NUP153: variants seen among roughly 807,000 people sequenced by gnomAD.
The protein encoded by NUP153 is nuclear pore complex protein Nup153.
NUP153 carries 27 observed loss-of-function variants against 134.6 expected under a neutral mutation model. The ratio of observed to expected loss-of-function variants is 0.20; its 90% CI spans 0.15 to 0.28. The LOEUF is 0.28. Ranked by LOEUF, NUP153 falls within the 10% of genes least tolerant of loss-of-function variation. The pLI, the probability that NUP153 is intolerant of heterozygous loss-of-function variation, is 1.00. For missense variants in NUP153, 1,821 were observed against 1,731.3 expected, an observed-to-expected ratio of 1.05 and a Z score of -0.92; for synonymous variants, 640 against 623.5, an observed-to-expected ratio of 1.03 and a Z score of -0.40.
chr6:17,637,390 C>T lies in NUP153; in HGVS notation c.2227G>A (p.Val743Ile), dbSNP rs1765603879. The change falls in exon 16 of 22, where the codon GTA (valine) becomes ATA (isoleucine). Residue 743 changes from valine to isoleucine, a missense_variant. Physicochemically the swap from Val to Ile is conservative, Grantham distance 29. Coordinates refer to ENST00000262077, the MANE Select transcript of NUP153 (RefSeq NM_005124.4). Reference protein sequence around the residue: ...VQNKPEAIKCVACETPKPGTC... With the variant: ...VQNKPEAIKCIACETPKPGTC... ...CCAGGTTTCGGTGTTTCACAGGCTA[C>T]ACATTTTATTGCTTCAGGTTTATTT... The T allele has an allele frequency of 2.5e-6, 4 of 1,614,110 alleles. No individual in the cohort carries two copies. In the South Asian group the frequency reaches 3.3e-5, roughly 13 times the overall value.
At chr6:17,701,964 C>T (rs1770137761) in intron 1 of NUP153, among the ~76,000 whole-genome samples, 1 of 152,012 alleles carries the variant, frequency 6.6e-6, no homozygotes, top group South Asian at 2.1e-4. Flanking sequence ...CACACCACCC[C>T]ACCCCACCCC....
At chr6:17,677,835 T>A (rs1768317787) in intron 2 of NUP153, among the ~76,000 whole-genome samples, 2 of 151,888 alleles carry the variant, frequency 1.3e-5, no homozygotes, top group African/African-American at 4.8e-5. Context: ...TTGTTTGATA[T>A]TACAAATGGG....
chr6:17,658,214 T>C (rs1192827101), intron 11 of NUP153, among the ~76,000 whole-genome samples: 2 of 152,184 alleles, frequency 1.3e-5, no homozygotes, highest in Non-Finnish European at 2.9e-5. Flanking sequence ...CTGGTCAAGA[T>C]GGTGAAACCC....
intron 1 of NUP153, among the ~76,000 whole-genome samples, chr6:17,690,270 T>TGAACCCGGGTGGCGTGGCTTGCAGTGA (rs1769195871): frequency 6.6e-6 from 1 of 151,404 alleles, no homozygotes. Flanking sequence ...GAGAATGGCG[T>TGAACCCGGGTGGCGTGGCTTGCAGTGA]GAACCCGGGT....
rs745880567 is a variant in NUP153, at chr6:17,629,160, T to C, written c.3039A>G (p.Glu1013=). The C allele has an allele frequency of 6.2e-7, 1 of 1,612,774 alleles. No individual in the cohort carries two copies. The highest frequency in any genetic ancestry group is 1.3e-5 in the African/African-American group (1 of 74,770). The change falls in exon 18 of 22, where the codon GAA becomes GAG. Residue 1013 remains glutamate, a synonymous_variant. Transcript: ENST00000262077. ...AACCTGCAGAGGAAGATTTGGGCAG[T>C]TCCTCTTTCTTTTCTTCCTGTCCAA... is the stretch of plus-strand genomic sequence containing the variant. The part of the protein sequence containing the change: ...SNLGQEEKKE[E]LPKSSSAGFS...
rs144593136 is a variant in NUP153, at chr6:17,644,585, C to T, written c.1720+1482G>A. ...AATGCCCTTGCTCAAAATTCTTGAC[C>T]TGAGTAACTCAGCTCAGGTGTTTCT... On this transcript the variant is annotated intron_variant, in intron 14 of 21. Transcript: ENST00000262077. Among the ~76,000 whole-genome samples the T allele has an allele frequency of 3.8e-3, 573 of 152,212 alleles. 3 individuals carry two copies. The highest frequency in any genetic ancestry group is 4.1e-3 in the Non-Finnish European group (276 of 68,010).
rs749002726 is a variant in NUP153, at chr6:17,706,443, A to C, written c.-56T>G. On this transcript the variant is annotated 5_prime_UTR_variant, in exon 1 of 22. Coordinates refer to ENST00000262077, the MANE Select transcript of NUP153 (RefSeq NM_005124.4). The surrounding 1 kb of genome is among the most constrained non-coding windows in gnomAD (Gnocchi z 5.9). The stretch of plus-strand genomic sequence containing the variant: ...GCGGGTAAGGGGGCGGGAGAGGCAG[A>C]GGCGGAGGCCTTAGAGAGCCTCCCC... 3.2e-5 allele frequency: 45 copies of C among 1,425,862 alleles called. No homozygotes were observed. Among genetic ancestry groups the C allele is most frequent in the Non-Finnish European group, 3.9e-5 (40 of 1,026,360 alleles). The allele number at this position is 1,425,862 out of a possible 1,614,324, so 88.3% of individuals were successfully genotyped here.
chr6:17,658,747 A>G (rs890514812), intron 11 of NUP153, among the ~76,000 whole-genome samples: 9 of 152,206 alleles, frequency 5.9e-5, no homozygotes, highest in Admixed American at 5.9e-4. Flanking sequence ...CTCCTATTCT[A>G]TGCAACAACA....
chr6:17,640,145 C>T (rs1765762582), intron 14 of NUP153, 81 bp from the exon 15 acceptor site: 1 of 1,082,468 alleles, frequency 9.2e-7, no homozygotes, highest in Non-Finnish European at 1.3e-6. Flanking sequence ...TCTTTCAAAA[C>T]CATCTTTTGG....
At position 17,638,382 on chromosome 6, in the gene NUP153, C is replaced by T. The variant is rs191234388; in HGVS notation, c.1847-612G>A. On this transcript the variant is annotated intron_variant, in intron 15 of 21. Coordinates refer to ENST00000262077, the MANE Select transcript of NUP153 (RefSeq NM_005124.4). This position sits in a 1 kb window ranked among gnomAD's most constrained non-coding sequence, Gnocchi z 4.0. The stretch of plus-strand genomic sequence containing the variant: ...AACTTTTGTCTTACACACAACACCA[C>T]CATCTGTGATCTGTTTCTCCAGCCT... Among the ~76,000 whole-genome samples, 89 of 152,278 alleles carry T rather than the reference C, an allele frequency of 5.8e-4. No homozygotes were observed. Among genetic ancestry groups the T allele is most frequent in the African/African-American group, 1.9e-3 (81 of 41,558 alleles).
chr6:17,676,721 T>TC (rs1213877996), intron 2 of NUP153, among the ~76,000 whole-genome samples: 1 of 152,030 alleles, frequency 6.6e-6, no homozygotes, highest in Non-Finnish European at 1.5e-5. Context: ...AGCCCTACGA[T>TC]TACCCAGCTC....
At chr6:17,686,900 AG>A (rs1581763670) in intron 2 of NUP153, among the ~76,000 whole-genome samples, 3 of 2,198 alleles carry the variant, frequency 1.4e-3, no homozygotes, top group Admixed American at 6.9e-3. Flanking sequence ...GCGGCGGGGG[AG>A]GGGGGCGGGG....
At chr6:17,653,663 T>C (rs999516620) in intron 11 of NUP153, among the ~76,000 whole-genome samples, 3 of 152,186 alleles carry the variant, frequency 2.0e-5, no homozygotes, top group Admixed American at 1.3e-4. Context: ...AGTAACTATA[T>C]GAAGTTGCAG....
chr6:17,699,324 G>A (rs146547596), intron 1 of NUP153, among the ~76,000 whole-genome samples: 351 of 151,412 alleles, frequency 2.3e-3, no homozygotes, highest in African/African-American at 8.2e-3. Flanking sequence ...GTGAAACCCC[G>A]TCCCTACTAA....
At position 17,638,630 on chromosome 6, in the gene NUP153, ATTTCTTTTTCTTCTACTT is replaced by A. The variant is rs1765683567; in HGVS notation, c.1847-878_1847-861del. ...CAGTAACCATCTCAAGGCATTACAG[ATTTCTTTTTCTTCTACTT>A]TTTCAGATTTTCCTAATTTCAGTCA... On this transcript the variant is annotated intron_variant, in intron 15 of 21. Transcript: ENST00000262077. The surrounding 1 kb of genome is among the most constrained non-coding windows in gnomAD (Gnocchi z 4.0). Among the ~76,000 whole-genome samples, 1 of 152,194 alleles carries A rather than the reference ATTTCTTTTTCTTCTACTT, an allele frequency of 6.6e-6. No individual in the cohort carries two copies. The highest frequency in any genetic ancestry group is 2.4e-5 in the African/African-American group (1 of 41,456).
At chr6:17,665,523 G>A (rs538705748) in intron 8 of NUP153, 138 bp from the exon 9 acceptor site, 2 of 639,518 alleles carry the variant, frequency 3.1e-6, no homozygotes, top group Admixed American at 3.1e-5. Context: ...AAACAAATAA[G>A]AGGAAAAACT....
At chr6:17,657,155 C>T (rs1561880464) in intron 11 of NUP153, among the ~76,000 whole-genome samples, 1 of 152,054 alleles carries the variant, frequency 6.6e-6, no homozygotes. Context: ...TTAGTTTTGG[C>T]TGTCTTGCAG....
At chr6:17,684,670 T>C (rs1460894268) in intron 2 of NUP153, among the ~76,000 whole-genome samples, 2 of 152,328 alleles carry the variant, frequency 1.3e-5, no homozygotes, top group East Asian at 3.9e-4. Flanking sequence ...TTCAGGCCTG[T>C]CTCAGCTGTC....
intron 2 of NUP153, among the ~76,000 whole-genome samples, chr6:17,684,648 A>T (rs55955725): frequency 0.012 from 1,875 of 152,308 alleles, 39 homozygotes; most frequent in African/African-American, 0.042. Context: ...TAACTGGTGC[A>T]AGAGGCCTAG....
Sources: gnomAD v4.1 joint callset for allele counts (sites outside exome capture counted in the v4.1 genomes callset) on GRCh38, gnomAD v4.1.1 for gene constraint, Gnocchi (gnomAD v3.1) non-coding constraint, MANE v1.5 for transcripts, NCBI Gene and HGNC (gene_info 2026-07-23, HGNC 2026-07-21) for gene names.